The following INPP4B variants were observed in gnomAD, a reference collection of about 807,000 sequenced individuals.
The protein encoded by INPP4B is inositol polyphosphate-4-phosphatase type II B.
In INPP4B, 55 loss-of-function variants were observed where a neutral mutation model predicts 122.5. The ratio of observed to expected loss-of-function variants is 0.45; its 90% CI spans 0.36 to 0.56. The LOEUF is 0.56. INPP4B is among the 20% of genes least tolerant of loss of function. The pLI, the probability that INPP4B is intolerant of heterozygous loss-of-function variation, is 0.00. For synonymous variants in INPP4B, 403 were observed against 388.7 expected, an observed-to-expected ratio of 1.04 and a Z score of -0.43; for missense variants, 1,000 against 1,097.7, an observed-to-expected ratio of 0.91 and a Z score of 1.26.
intron 7 of INPP4B, among the ~76,000 whole-genome samples, chr4:142,328,104 G>A (rs77628942): frequency 0.013 from 1,956 of 151,522 alleles, 46 homozygotes; most frequent in African/African-American, 0.045. Flanking sequence ...GTTTTGCAGT[G>A]TCTGTGGCCC....
chr4:142,596,998 A>G (rs1231348710), intron 2 of INPP4B, among the ~76,000 whole-genome samples: 1 of 152,216 alleles, frequency 6.6e-6, no homozygotes, highest in Middle Eastern at 3.2e-3. Flanking sequence ...CTCCACAGCC[A>G]CTGTTATGTA....
At chr4:142,444,423 T>C (rs1026055610) in intron 3 of INPP4B, among the ~76,000 whole-genome samples, 3 of 152,160 alleles carry the variant, frequency 2.0e-5, no homozygotes, top group South Asian at 2.1e-4. Context: ...TCTTTACTGG[T>C]CATTAGAGAA....
chr4:142,123,172 T>A, intron 20 of INPP4B, 120 bp downstream of exon 20: 1 of 801,718 alleles, frequency 1.2e-6, no homozygotes. Flanking sequence ...AGTTATATTA[T>A]TTTTGTAATA....
At chr4:142,644,808 A>G (rs1483807699) in intron 2 of INPP4B, among the ~76,000 whole-genome samples, 2 of 145,262 alleles carry the variant, frequency 1.4e-5, no homozygotes, top group Non-Finnish European at 3.0e-5. Context: ...TCCCAGAGGC[A>G]GGGAGAATCA....
intron 21 of INPP4B, among the ~76,000 whole-genome samples, chr4:142,117,273 T>G (rs1794051800): frequency 6.6e-6 from 1 of 151,696 alleles, no homozygotes; most frequent in Non-Finnish European, 1.5e-5. Flanking sequence ...ACCATTCCAA[T>G]CAATAGAAAA....
chr4:142,308,567 C>A (rs1307625833), intron 8 of INPP4B, among the ~76,000 whole-genome samples: 2 of 152,040 alleles, frequency 1.3e-5, no homozygotes, highest in Non-Finnish European at 2.9e-5. Context: ...GAAAATAAAT[C>A]TTTTATCTAT....
At chr4:142,736,699 C>A (rs1445725132) in intron 1 of INPP4B, among the ~76,000 whole-genome samples, 2 of 152,174 alleles carry the variant, frequency 1.3e-5, no homozygotes, top group African/African-American at 2.4e-5. Flanking sequence ...TGATTTTGGG[C>A]TGAGACGATG....
intron 1 of INPP4B, among the ~76,000 whole-genome samples, chr4:142,836,594 A>T (rs1264266395): frequency 6.6e-6 from 1 of 151,566 alleles, no homozygotes; most frequent in African/African-American, 2.4e-5. Flanking sequence ...TATAACAACA[A>T]CAAAAAAAGT....
At chr4:142,682,705 T>C (rs1210039818) in intron 2 of INPP4B, among the ~76,000 whole-genome samples, 2 of 151,872 alleles carry the variant, frequency 1.3e-5, no homozygotes, top group African/African-American at 2.4e-5. Flanking sequence ...ATGTCCTCCA[T>C]CCAGGGACTC....
At chr4:142,085,813 G>T (rs1776451371) in intron 24 of INPP4B, among the ~76,000 whole-genome samples, 3 of 152,186 alleles carry the variant, frequency 2.0e-5, no homozygotes, top group African/African-American at 7.2e-5. Flanking sequence ...CTCTAAAGCA[G>T]CAGTTCAAAA....
chr4:142,701,501 G>T lies in INPP4B; in HGVS notation c.-191+24338C>A, dbSNP rs149831935. On this transcript the variant is annotated intron_variant, in intron 2 of 25. Transcript: ENST00000262992. Reference sequence around the variant, plus strand: ...GAAAAATAATAACAAGCAGCACCGAGCAGCCAAAAAAAAAAAAAAGGTTTC... The same window carrying T: ...GAAAAATAATAACAAGCAGCACCGATCAGCCAAAAAAAAAAAAAAGGTTTC... 4.9e-3 allele frequency among the ~76,000 whole-genome samples: 692 copies of T among 142,588 alleles called. 5 individuals are homozygous for T. Among genetic ancestry groups the T allele is most frequent in the African/African-American group, 0.017 (647 of 37,650 alleles). The allele number at this position is 142,588 out of a possible 152,430, so 93.5% of individuals were successfully genotyped here. A position where few individuals can be genotyped will look rare whatever the true frequency, so the allele number is the denominator to read the frequency against.
chr4:142,266,539 G>T (rs1031852508), intron 10 of INPP4B, among the ~76,000 whole-genome samples: 1 of 152,056 alleles, frequency 6.6e-6, no homozygotes, highest in South Asian at 2.1e-4. Context: ...AGTTTCCTGG[G>T]TAAGAAAAAT....
intron 3 of INPP4B, among the ~76,000 whole-genome samples, chr4:142,459,589 A>C (rs1406764559): frequency 6.6e-6 from 1 of 152,228 alleles, no homozygotes; most frequent in African/African-American, 2.4e-5. Flanking sequence ...GTAGCAGTGC[A>C]TGCAGAAGCA....
chr4:142,624,284 A>G (rs560352788), intron 2 of INPP4B, among the ~76,000 whole-genome samples: 2 of 151,554 alleles, frequency 1.3e-5, no homozygotes, highest in African/African-American at 2.4e-5. Context: ...ATGGTATCTC[A>G]TTGTGGTTTT....
chr4:142,807,765 T>C (rs1335309874), intron 1 of INPP4B, among the ~76,000 whole-genome samples: 2 of 148,990 alleles, frequency 1.3e-5, no homozygotes, highest in Admixed American at 1.3e-4. Flanking sequence ...TCACAACTTT[T>C]ATTTTTCTGA....
intron 7 of INPP4B, among the ~76,000 whole-genome samples, chr4:142,391,809 C>T (rs1797782481): frequency 6.6e-6 from 1 of 152,098 alleles, no homozygotes; most frequent in African/African-American, 2.4e-5. Flanking sequence ...ACCCATATTC[C>T]TGAGAAAACA....
At chr4:142,727,634 A>T (rs1765502934) in intron 1 of INPP4B, among the ~76,000 whole-genome samples, 1 of 152,212 alleles carries the variant, frequency 6.6e-6, no homozygotes, top group Non-Finnish European at 1.5e-5. Flanking sequence ...TAATCCCAGC[A>T]CTTTGGAAGG....
At chr4:142,518,432 C>T (rs894084112) in intron 2 of INPP4B, among the ~76,000 whole-genome samples, 6 of 152,010 alleles carry the variant, frequency 3.9e-5, no homozygotes, top group African/African-American at 1.2e-4. Flanking sequence ...TTTTCATTAC[C>T]CTGAATTATA....
chr4:142,629,066 AG>A lies in INPP4B; in HGVS notation c.-191+96772del, dbSNP rs201919207. Reference sequence around the variant, plus strand: ...AAACAGAATATGCTATTTTGATGAGAGTATGCTGTTCCCTTCCAGGACTAAG... The same window carrying A: ...AAACAGAATATGCTATTTTGATGAGATATGCTGTTCCCTTCCAGGACTAAG... On this transcript the variant is annotated intron_variant, in intron 2 of 25. Transcript: ENST00000262992. Among the ~76,000 whole-genome samples, 198 of 152,158 alleles carry A rather than the reference AG, an allele frequency of 1.3e-3. 2 individuals are homozygous for A. In the East Asian group the frequency reaches 0.017, roughly 13 times the overall value.
Sources: allele counts gnomAD v4.1 joint callset (sites outside exome capture counted in the v4.1 genomes callset), GRCh38; gene constraint gnomAD v4.1.1; transcripts MANE v1.5; gene names NCBI Gene and HGNC (gene_info 2026-07-23, HGNC 2026-07-21).